Variants in EMC8 observed in about 807,000 individuals in gnomAD.
EMC8 encodes COX4 neighbor.
A neutral mutation model predicts 24.3 loss-of-function variants in EMC8; 11 were observed. That is an observed-to-expected ratio of 0.45 (90% confidence interval 0.28 to 0.75). The LOEUF is 0.75. Among genes scored for constraint, EMC8 ranks in the 30% least tolerant of loss-of-function variants. The pLI is 0.12. For missense variants in EMC8, 277 were observed against 282.7 expected (o/e 0.98, Z 0.14); for synonymous variants, 145 against 117.7 (o/e 1.23, Z -1.50).
At chr16:85,780,592 C>A (rs1040889763) in intron 3 of EMC8, 119 bp from the exon 4 acceptor site, 3 of 699,540 alleles carry the variant, frequency 4.3e-6, no homozygotes, top group African/African-American at 3.5e-5. Flanking sequence ...GAGACTCTTC[C>A]GACAGAGCCT....
At chr16:85,793,948 G>A (rs944123774) in intron 1 of EMC8, among the ~76,000 whole-genome samples, 1 of 151,898 alleles carries the variant, frequency 6.6e-6, no homozygotes, top group African/African-American at 2.4e-5. Context: ...ATGCACAAAT[G>A]CAAGGATTTT....
intron 1 of EMC8, among the ~76,000 whole-genome samples, chr16:85,794,476 C>A (rs1847321429): frequency 6.6e-6 from 1 of 152,162 alleles, no homozygotes; most frequent in South Asian, 2.1e-4. Context: ...ACTGCCTGAG[C>A]TCAGGAGATC....
intron 2 of EMC8, among the ~76,000 whole-genome samples, chr16:85,787,895 G>A (rs564542420): frequency 6.6e-6 from 1 of 152,198 alleles, no homozygotes; most frequent in Non-Finnish European, 1.5e-5. Flanking sequence ...AAACACTGGT[G>A]CCTCATCAGT....
At chr16:85,794,766 G>A (rs1905177409) in intron 1 of EMC8, among the ~76,000 whole-genome samples, 1 of 152,078 alleles carries the variant, frequency 6.6e-6, no homozygotes, top group Non-Finnish European at 1.5e-5. Flanking sequence ...TTACCGCAGG[G>A]AGTCAAGTGT....
At chr16:85,787,601 A>C (rs1407715081) in intron 2 of EMC8, 1 of 152,332 alleles carries the variant, frequency 6.6e-6, no homozygotes, top group African/African-American at 2.4e-5. Context: ...GGCAGGCGAT[A>C]TCAAACAGAG....
rs375983283 is a variant in EMC8, at chr16:85,779,698, C to T, written c.*10G>A. 3.5e-5 allele frequency: 56 copies of T among 1,613,226 alleles called. No homozygotes were observed. Among genetic ancestry groups the T allele is most frequent in the African/African-American group, 6.7e-5 (5 of 74,924 alleles). Reference sequence around the variant, plus strand: ...GGAAAGGCCCGGAGCCCAGTCACAGCGGTGCCTGCCTAGCACAAGTGTAGG... The same window carrying T: ...GGAAAGGCCCGGAGCCCAGTCACAGTGGTGCCTGCCTAGCACAAGTGTAGG... On this transcript the variant is annotated 3_prime_UTR_variant, in exon 5 of 5. Coordinates refer to ENST00000253457, the MANE Select transcript of EMC8 (RefSeq NM_006067.5).
chr16:85,789,124 T>C, intron 1 of EMC8, 74 bp from the exon 2 acceptor site: 2 of 926,356 alleles, frequency 2.2e-6, no homozygotes, highest in Non-Finnish European at 3.6e-6. Flanking sequence ...ACCACAGATC[T>C]CACTGCCACA....
At chr16:85,788,635 AGT>A (rs1478191632) in intron 2 of EMC8, among the ~76,000 whole-genome samples, 1 of 152,236 alleles carries the variant, frequency 6.6e-6, no homozygotes, top group Non-Finnish European at 1.5e-5. Flanking sequence ...ATTCCTTCCC[AGT>A]GCTCTGCCCA....
In EMC8 at chr16:85,781,004, C is replaced by T. The variant is rs538902682; in HGVS notation, c.378+207G>A. On this transcript the variant is annotated intron_variant, in intron 3 of 4. Coordinates refer to ENST00000253457, the MANE Select transcript of EMC8 (RefSeq NM_006067.5). ...GCTGCGGCTGGCAGGGGACCCCACT[C>T]CCACTTGTGTAGTGATGCGGAAGCA... 2.7e-4 allele frequency: 157 copies of T among 572,032 alleles called. No homozygotes were observed. In the East Asian group the frequency reaches 4.4e-3, roughly 16 times the overall value. 35.4% of individuals were successfully genotyped at this position (572,032 alleles called of 1,614,324 possible).
chr16:85,789,798 C>CAAAAAA (rs879349757), intron 1 of EMC8, among the ~76,000 whole-genome samples: 1 of 101,268 alleles, frequency 9.9e-6, no homozygotes, highest in South Asian at 3.1e-4. Flanking sequence ...GTCTCCGTCT[C>CAAAAAA]AAAAAAAAAA....
chr16:85,796,602 C>G (rs1313468337), intron 1 of EMC8, among the ~76,000 whole-genome samples: 1 of 152,226 alleles, frequency 6.6e-6, no homozygotes, highest in Non-Finnish European at 1.5e-5. Flanking sequence ...AATCTGTCCA[C>G]CACTCAACTC....
At chr16:85,794,315 C>T (rs1905151907) in intron 1 of EMC8, among the ~76,000 whole-genome samples, 1 of 152,210 alleles carries the variant, frequency 6.6e-6, no homozygotes, top group South Asian at 2.1e-4. Context: ...TAACTTTCCT[C>T]TGAAAGTTAT....
intron 1 of EMC8, among the ~76,000 whole-genome samples, chr16:85,795,995 G>C (rs958045221): frequency 2.6e-5 from 4 of 152,144 alleles, no homozygotes; most frequent in Non-Finnish European, 4.4e-5. Context: ...TTGGCGGTGA[G>C]AGCAGAGGAC....
At chr16:85,789,546 C>T (rs1314596891) in intron 1 of EMC8, among the ~76,000 whole-genome samples, 8 of 152,124 alleles carry the variant, frequency 5.3e-5, no homozygotes, top group African/African-American at 9.7e-5. Context: ...AATCCCAGCA[C>T]TTTGGGAGGC....
chr16:85,783,556 G>C (rs1904610765), intron 2 of EMC8, among the ~76,000 whole-genome samples: 2 of 152,192 alleles, frequency 1.3e-5, no homozygotes, highest in South Asian at 2.1e-4. Flanking sequence ...CAGCCCCACA[G>C]ACTACTGCTC....
At chr16:85,782,329 C>T (rs960705540) in intron 2 of EMC8, among the ~76,000 whole-genome samples, 2 of 152,226 alleles carry the variant, frequency 1.3e-5, no homozygotes, top group Non-Finnish European at 1.5e-5. Context: ...CCTGCCGCCA[C>T]CCAACCCTGA....
At chr16:85,782,796 G>T (rs539539793) in intron 2 of EMC8, among the ~76,000 whole-genome samples, 2 of 152,128 alleles carry the variant, frequency 1.3e-5, no homozygotes, top group African/African-American at 4.8e-5. Context: ...TCTCAGGCAG[G>T]CCAGTCCATT....
In EMC8 at chr16:85,799,360, C is replaced by A; in HGVS notation, c.-65G>T. 5 of 1,039,202 alleles carry A rather than the reference C, an allele frequency of 4.8e-6. No individual in the cohort carries two copies. In the South Asian group the frequency reaches 7.2e-5, roughly 15 times the overall value. The allele number at this position is 1,039,202 out of a possible 1,614,324, so 64.4% of individuals were successfully genotyped here. A position where few individuals can be genotyped will look rare whatever the true frequency, so the allele number is the denominator to read the frequency against. ...CTGAGGCCTGGACCCGCTGCCTGGC[C>A]GCGCGGCGCCTCAGCCGAGAAGCGG... is the stretch of plus-strand genomic sequence containing the variant. On this transcript the variant is annotated 5_prime_UTR_variant, in exon 1 of 5. Coordinates refer to ENST00000253457, the MANE Select transcript of EMC8 (RefSeq NM_006067.5). The surrounding 1 kb of genome is among the most constrained non-coding windows in gnomAD (Gnocchi z 4.2).
intron 2 of EMC8, among the ~76,000 whole-genome samples, chr16:85,787,830 A>G (rs1904823100): frequency 6.6e-6 from 1 of 152,152 alleles, no homozygotes. Flanking sequence ...TCCTAGGGTA[A>G]GATAATTATG....
Sources: allele counts gnomAD v4.1 joint callset (sites outside exome capture counted in the v4.1 genomes callset), GRCh38; gene constraint gnomAD v4.1.1; non-coding constraint Gnocchi (gnomAD v3.1); transcripts MANE v1.5; gene names NCBI Gene and HGNC (gene_info 2026-07-23, HGNC 2026-07-21).